The following FER variants were observed in gnomAD, a reference collection of about 807,000 sequenced individuals.
FER encodes tyrosine-protein kinase Fer.
A neutral mutation model predicts 111.0 loss-of-function variants in FER; 63 were observed. The ratio of observed to expected loss-of-function variants is 0.57; its 90% CI spans 0.46 to 0.70. The LOEUF (loss-of-function observed/expected upper bound fraction) is 0.70, where lower values mean the gene tolerates loss of function less well. FER is among the 30% of genes least tolerant of loss of function. The pLI, the probability that FER is intolerant of heterozygous loss-of-function variation, is 0.00. For missense variants in FER, 914 were observed against 954.0 expected (o/e 0.96, Z 0.55); for synonymous variants, 327 against 313.9 (o/e 1.04, Z -0.44).
intron 17 of FER, among the ~76,000 whole-genome samples, chr5:109,131,567 A>C (rs1343268355): frequency 6.6e-6 from 1 of 152,036 alleles, no homozygotes; most frequent in Admixed American, 6.6e-5. Flanking sequence ...ACATTATTTC[A>C]ATTTTTCTTT....
At chr5:109,124,595 TGTTG>T (rs1561925860) in intron 17 of FER, among the ~76,000 whole-genome samples, 1,546 of 148,650 alleles carry the variant, frequency 0.01, 21 homozygotes, top group African/African-American at 0.036. Context: ...GTTTTGTTGT[TGTTG>T]TTGTTGTTGT....
intron 16 of FER, among the ~76,000 whole-genome samples, chr5:109,058,778 C>T (rs1773994017): frequency 7.7e-6 from 1 of 129,996 alleles, no homozygotes; most frequent in Admixed American, 8.7e-5. Context: ...TGTCTCCCAG[C>T]CGGGAGTGCA....
intron 13 of FER, among the ~76,000 whole-genome samples, chr5:108,973,334 A>C (rs1299524279): frequency 6.6e-6 from 1 of 152,178 alleles, no homozygotes; most frequent in Non-Finnish European, 1.5e-5. Context: ...TTTTATGTAG[A>C]CTAAGTTTGC....
At chr5:108,754,808 T>G (rs1750901041) in intron 1 of FER, among the ~76,000 whole-genome samples, 1 of 152,214 alleles carries the variant, frequency 6.6e-6, no homozygotes, top group South Asian at 2.1e-4. Flanking sequence ...TACTAGAATT[T>G]TTATTTTCTA....
At chr5:109,114,071 T>G (rs182539228) in intron 17 of FER, among the ~76,000 whole-genome samples, 2 of 152,236 alleles carry the variant, frequency 1.3e-5, no homozygotes, top group East Asian at 3.9e-4. Context: ...TTCTTAGAAT[T>G]GAAAGTCTGT....
intron 3 of FER, among the ~76,000 whole-genome samples, chr5:108,819,336 A>G (rs1758602739): frequency 6.6e-6 from 1 of 152,030 alleles, no homozygotes; most frequent in African/African-American, 2.4e-5. Context: ...CTAGGTAGTT[A>G]TTCTTAAAGT....
At chr5:109,120,027 C>T (rs927761341) in intron 17 of FER, among the ~76,000 whole-genome samples, 7 of 151,922 alleles carry the variant, frequency 4.6e-5, no homozygotes, top group Admixed American at 2.0e-4. Flanking sequence ...AGTTATTAAC[C>T]CCTTCTCAGA....
At chr5:108,845,712 G>A (rs1255959489) in intron 5 of FER, among the ~76,000 whole-genome samples, 1 of 152,046 alleles carries the variant, frequency 6.6e-6, no homozygotes, top group Non-Finnish European at 1.5e-5. Flanking sequence ...CTGAACTTAG[G>A]TGTAAAGCAT....
chr5:109,080,536 T>A (rs186922235), intron 16 of FER, among the ~76,000 whole-genome samples: 2 of 152,268 alleles, frequency 1.3e-5, no homozygotes, highest in Admixed American at 1.3e-4. Context: ...ATCAAGGAGT[T>A]GATTCTTACA....
intron 3 of FER, among the ~76,000 whole-genome samples, chr5:108,827,379 C>T (rs1452232382): frequency 6.6e-6 from 1 of 152,118 alleles, no homozygotes; most frequent in African/African-American, 2.4e-5. Flanking sequence ...ATGATCCGTA[C>T]CCTATATCTT....
intron 16 of FER, among the ~76,000 whole-genome samples, chr5:109,078,730 A>G (rs1776653997): frequency 6.6e-6 from 1 of 152,230 alleles, no homozygotes; most frequent in South Asian, 2.1e-4. Flanking sequence ...GGAATATAAA[A>G]GACTGTAAAC....
At chr5:109,055,432 C>T (rs1280249539) in intron 16 of FER, among the ~76,000 whole-genome samples, 1 of 152,104 alleles carries the variant, frequency 6.6e-6, no homozygotes, top group Non-Finnish European at 1.5e-5. Flanking sequence ...GGGTTAATAT[C>T]CAAAATGTAT....
At chr5:108,764,981 C>G (rs529353206) in intron 1 of FER, among the ~76,000 whole-genome samples, 1 of 152,200 alleles carries the variant, frequency 6.6e-6, no homozygotes, top group East Asian at 1.9e-4. Flanking sequence ...CCAGGTATTT[C>G]TTTTGCATCA....
intron 1 of FER, among the ~76,000 whole-genome samples, chr5:108,767,369 G>A (rs1179379826): frequency 3.3e-5 from 5 of 152,122 alleles, no homozygotes; most frequent in Non-Finnish European, 7.3e-5. Flanking sequence ...TTTGCTGGGG[G>A]AATCCTTCCC....
chr5:108,774,366 G>A (rs757930165), intron 2 of FER, among the ~76,000 whole-genome samples: 6 of 152,006 alleles, frequency 3.9e-5, no homozygotes, highest in African/African-American at 7.3e-5. Context: ...ATAAACATAC[G>A]TGTGTGTGTG....
Position 108,755,779 on chromosome 5 carries a change from G to C in FER, c.-206+7779G>C, listed in dbSNP as rs992492439. ...GGGATTACAGGCATGAGCCACAGTGGCTGGCTGCAGTGTTCAGTTTTGATA... is the reference window on the plus strand; with the variant it reads ...GGGATTACAGGCATGAGCCACAGTGCCTGGCTGCAGTGTTCAGTTTTGATA... On this transcript the variant is annotated intron_variant, in intron 1 of 19. Transcript: ENST00000281092. 3.3e-5 allele frequency among the ~76,000 whole-genome samples: 5 copies of C among 151,590 alleles called. No homozygotes were observed. The East Asian group carries it at 9.8e-4, about 30-fold the overall frequency.
chr5:108,813,451 A>G (rs1184399239), intron 3 of FER, among the ~76,000 whole-genome samples: 1 of 152,112 alleles, frequency 6.6e-6, no homozygotes, highest in Non-Finnish European at 1.5e-5. Flanking sequence ...GTTTTCAGGC[A>G]TTATTTTAAA....
chr5:109,126,152 A>T (rs1398834233), intron 17 of FER, among the ~76,000 whole-genome samples: 1 of 152,200 alleles, frequency 6.6e-6, no homozygotes, highest in Non-Finnish European at 1.5e-5. Flanking sequence ...TAGCTGTAAA[A>T]CACGAAAAAA....
intron 8 of FER, among the ~76,000 whole-genome samples, chr5:108,879,725 T>TA (rs1298716348): frequency 1.4e-5 from 2 of 141,474 alleles, no homozygotes; most frequent in African/African-American, 2.7e-5. Flanking sequence ...TATATATATA[T>TA]TTGAGGCAAA....
Sources: allele counts gnomAD v4.1 joint callset (sites outside exome capture counted in the v4.1 genomes callset), GRCh38; gene constraint gnomAD v4.1.1; transcripts MANE v1.5; gene names NCBI Gene and HGNC (gene_info 2026-07-23, HGNC 2026-07-21).